Variants in SLIT3 observed in about 807,000 individuals in gnomAD.
The protein encoded by SLIT3 is slit guidance ligand 3.
A neutral mutation model predicts 184.0 loss-of-function variants in SLIT3; 68 were observed. That is an observed-to-expected ratio of 0.37 (90% CI 0.30 to 0.45). The LOEUF is 0.45. Ranked by LOEUF, SLIT3 falls within the 20% of genes least tolerant of loss-of-function variation. SLIT3 has a pLI of 1.00. For synonymous variants in SLIT3, 831 were observed against 828.6 expected (o/e 1.00, Z -0.05); for missense variants, 1,707 against 2,026.0 (o/e 0.84, Z 3.02).
intron 4 of SLIT3, among the ~76,000 whole-genome samples, chr5:168,941,684 C>T (rs945600273): frequency 5.9e-5 from 9 of 152,146 alleles, no homozygotes; most frequent in African/African-American, 9.7e-5. Flanking sequence ...AAAATTCTCA[C>T]GGATCATGAT....
intron 6 of SLIT3, among the ~76,000 whole-genome samples, chr5:168,826,249 T>G (rs1442308406): frequency 6.6e-6 from 1 of 152,188 alleles, no homozygotes; most frequent in Admixed American, 6.5e-5. Context: ...AGAACCAAAA[T>G]GACTAAACAC....
intron 4 of SLIT3, among the ~76,000 whole-genome samples, chr5:169,184,942 C>A (rs1162036194): frequency 1.3e-5 from 2 of 152,186 alleles, no homozygotes; most frequent in South Asian, 4.1e-4. Context: ...TTCTGTAATG[C>A]AAGAATCTAC....
chr5:168,934,841 AC>A (rs1328635854), intron 4 of SLIT3, among the ~76,000 whole-genome samples: 1 of 151,936 alleles, frequency 6.6e-6, no homozygotes, highest in Non-Finnish European at 1.5e-5. Context: ...CAAAAATGAA[AC>A]AAGAAGGCTG....
intron 4 of SLIT3, among the ~76,000 whole-genome samples, chr5:168,914,217 T>C (rs942176653): frequency 6.6e-6 from 1 of 152,218 alleles, no homozygotes; most frequent in Admixed American, 6.5e-5. Context: ...TATGTGCACT[T>C]AAATTTTTGA....
In SLIT3 at chr5:168,900,699, T is replaced by C. The variant is rs577295645; in HGVS notation, c.414-17363A>G. Among the ~76,000 whole-genome samples, 327 of 152,324 alleles carry C rather than the reference T, an allele frequency of 2.1e-3. 3 individuals are homozygous for C. Among genetic ancestry groups the C allele is most frequent in the African/African-American group, 7.5e-3 (313 of 41,574 alleles). On this transcript the variant is annotated intron_variant, in intron 4 of 35. Transcript: ENST00000519560. ...AGCACTATTCACAATAGTAAAGATA[T>C]GGAATCAACCTAAGTGTCCATTAAT...
rs1436831286 is a variant in SLIT3 at position 169,085,017 on chromosome 5, G to A, written c.413+108462C>T. On this transcript the variant is annotated intron_variant, in intron 4 of 35. Transcript: ENST00000519560. ...ACAACAACAACCTACAGCTATAAACGTTTTACAAGTTTAACAGCAGCAACA... is the reference window on the plus strand; with the variant it reads ...ACAACAACAACCTACAGCTATAAACATTTTACAAGTTTAACAGCAGCAACA... 3.3e-5 allele frequency among the ~76,000 whole-genome samples: 5 copies of A among 152,110 alleles called. 1 individual carries two copies. The highest frequency in any genetic ancestry group is 4.1e-4 in the South Asian group (2 of 4,830).
intron 4 of SLIT3, among the ~76,000 whole-genome samples, chr5:168,919,861 T>TA (rs893182566): frequency 6.6e-6 from 1 of 152,132 alleles, no homozygotes; most frequent in Non-Finnish European, 1.5e-5. Context: ...TGAGAACACA[T>TA]AAAAAAGGGA....
intron 4 of SLIT3, among the ~76,000 whole-genome samples, chr5:169,095,877 A>G (rs1561661706): frequency 6.6e-6 from 1 of 152,308 alleles, no homozygotes; most frequent in East Asian, 1.9e-4. Context: ...TTTTACAAAC[A>G]ATACTTTTTA....
intron 3 of SLIT3, among the ~76,000 whole-genome samples, chr5:169,229,892 A>T (rs1349032732): frequency 6.6e-6 from 1 of 152,190 alleles, no homozygotes; most frequent in Non-Finnish European, 1.5e-5. Flanking sequence ...GAGTAAGAGA[A>T]GGTGAGAAAT....
At chr5:169,236,295 C>T (rs747074453) in intron 3 of SLIT3, among the ~76,000 whole-genome samples, 1 of 152,018 alleles carries the variant, frequency 6.6e-6, no homozygotes, top group Non-Finnish European at 1.5e-5. Flanking sequence ...TTGAGCACTC[C>T]CTTTATGGCA....
chr5:168,795,640 G>A (rs1405482223), intron 9 of SLIT3, 62 bp from the exon 10 acceptor site: 2 of 1,317,318 alleles, frequency 1.5e-6, no homozygotes, highest in Middle Eastern at 1.8e-4. Context: ...GGTCACTGAG[G>A]GCTACTGTGT....
intron 16 of SLIT3, among the ~76,000 whole-genome samples, chr5:168,759,702 G>T (rs1238581500): frequency 1.3e-5 from 2 of 152,202 alleles, no homozygotes; most frequent in African/African-American, 2.4e-5. Context: ...TTGTTTTGTT[G>T]TTCTGTGCAC....
chr5:168,896,731 G>A lies in SLIT3; in HGVS notation c.414-13395C>T, dbSNP rs1211870206. On this transcript the variant is annotated intron_variant, in intron 4 of 35. Transcript: ENST00000519560. ...GACTGTGCAGCAATTGCTGTGCAGA[G>A]GAGAAGTTGGCAGGAGACTCCCACA... Among the ~76,000 whole-genome samples the A allele has an allele frequency of 2.6e-5, 4 of 152,330 alleles. No individual in the cohort carries two copies. In the East Asian group the frequency reaches 7.7e-4, roughly 29 times the overall value.
chr5:168,866,293 G>A (rs1440073786), intron 5 of SLIT3, among the ~76,000 whole-genome samples: 1 of 152,164 alleles, frequency 6.6e-6, no homozygotes, highest in Non-Finnish European at 1.5e-5. Context: ...TCCACTGTTT[G>A]GAGAAAAAGT....
chr5:168,797,457 A>G (rs1376817698), intron 9 of SLIT3, among the ~76,000 whole-genome samples: 1 of 152,178 alleles, frequency 6.6e-6, no homozygotes, highest in African/African-American at 2.4e-5. Context: ...ACTGCTCCCA[A>G]CTGCAGGCCA....
intron 4 of SLIT3, among the ~76,000 whole-genome samples, chr5:169,163,763 AC>A (rs144310973): frequency 0.094 from 14,300 of 152,250 alleles, 840 homozygotes; most frequent in South Asian, 0.15. Flanking sequence ...AAGTTCAGGA[AC>A]TATCTAGTGT....
At position 168,765,441 on chromosome 5, in the gene SLIT3, A is replaced by C. The variant is rs117385610; in HGVS notation, c.1460-2752T>G. On this transcript the variant is annotated intron_variant, in intron 14 of 35. Transcript: ENST00000519560. ...GGGTCGGAATGTGATATTTTATACG[A>C]GTGGGAGCCAGAAATGTTAATAACG... Among the ~76,000 whole-genome samples, 48 of 152,228 alleles carry C rather than the reference A, an allele frequency of 3.2e-4. 1 individual carries two copies. The East Asian group carries it at 6.8e-3, about 21-fold the overall frequency.
chr5:168,807,734 G>C (rs779199269), intron 8 of SLIT3, among the ~76,000 whole-genome samples: 5 of 152,126 alleles, frequency 3.3e-5, no homozygotes, highest in African/African-American at 1.2e-4. Context: ...CATGAAAAAA[G>C]TCTGCAGGGA....
chr5:169,101,561 C>G (rs1288868597), intron 4 of SLIT3, among the ~76,000 whole-genome samples: 1 of 152,214 alleles, frequency 6.6e-6, no homozygotes, highest in African/African-American at 2.4e-5. Flanking sequence ...TTGCCTACAC[C>G]TTGCCTCCTC....
Sources: gnomAD v4.1 joint callset for allele counts (sites outside exome capture counted in the v4.1 genomes callset) on GRCh38, gnomAD v4.1.1 for gene constraint, MANE v1.5 for transcripts, NCBI Gene and HGNC (gene_info 2026-07-23, HGNC 2026-07-21) for gene names.